Variants in DAP3 observed in about 807,000 individuals in gnomAD.
DAP3 encodes small ribosomal subunit protein mS29.
Under a neutral mutation model 51.9 loss-of-function variants are expected in DAP3, and 28 were observed. The ratio of observed to expected loss-of-function variants is 0.54; its 90% CI spans 0.40 to 0.74. DAP3 has a LOEUF of 0.74. Among genes scored for constraint, DAP3 ranks in the 30% least tolerant of loss-of-function variants. DAP3 has a pLI of 0.00. For missense variants in DAP3, 458 were observed against 483.5 expected (o/e 0.95, Z 0.49); for synonymous variants, 170 against 170.3 (o/e 1.00, Z 0.01).
intron 11 of DAP3, among the ~76,000 whole-genome samples, chr1:155,735,164 C>T (rs1659639212): frequency 6.6e-6 from 1 of 151,052 alleles, no homozygotes; most frequent in Non-Finnish European, 1.5e-5. Flanking sequence ...GCCTATAGTC[C>T]CAGATACTCC....
rs1660028444 is a variant in DAP3 at position 155,738,511 on chromosome 1, A to C, written c.*269A>C. ...GATAATTATGGCTCTTTTCCTAAAAAATAAAATATCTTTCTAAAGTGTTGT... is the reference window on the plus strand; with the variant it reads ...GATAATTATGGCTCTTTTCCTAAAACATAAAATATCTTTCTAAAGTGTTGT... On this transcript the variant is annotated 3_prime_UTR_variant, in exon 13 of 13. Coordinates refer to ENST00000368336, the MANE Select transcript of DAP3 (RefSeq NM_004632.4). 2.6e-6 allele frequency: 1 copy of C among 384,632 alleles called. No homozygotes were observed. The highest frequency in any genetic ancestry group is 4.2e-5 in the East Asian group (1 of 23,580). The allele number at this position is 384,632 out of a possible 1,614,324, so 23.8% of individuals were successfully genotyped here. A position where few individuals can be genotyped will look rare whatever the true frequency, so the allele number is the denominator to read the frequency against.
chr1:155,698,399 C>T (rs1654790253), intron 1 of DAP3, among the ~76,000 whole-genome samples: 1 of 152,178 alleles, frequency 6.6e-6, no homozygotes, highest in Admixed American at 6.5e-5. Context: ...AATTTATGTT[C>T]TTCTGCCATG....
At chr1:155,688,632 G>A, upstream of DAP3, 2 of 1,534,454 alleles carry the variant, frequency 1.3e-6, no homozygotes, top group African/African-American at 1.4e-5. Context: ...CTGTCAAGCC[G>A]GCTCCAGCGC....
intron 1 of DAP3, among the ~76,000 whole-genome samples, chr1:155,690,890 C>T (rs996866526): frequency 2.1e-5 from 3 of 142,112 alleles, no homozygotes; most frequent in Non-Finnish European, 2.9e-5. Context: ...CAGGCACATG[C>T]CACCACATCC....
chr1:155,732,229 TTTTC>T (rs1571565401), intron 11 of DAP3, 196 bp downstream of exon 11: 1 of 388,832 alleles, frequency 2.6e-6, no homozygotes, highest in Non-Finnish European at 4.3e-6. Context: ...CCAGAGTTTC[TTTTC>T]TTTTTTTTTT....
rs1356416892 is a variant in DAP3 at position 155,727,687 on chromosome 1, T to C, written c.552T>C (p.Ala184=). The change falls in exon 7 of 13, where the codon GCT becomes GCC. Residue 184 remains alanine (A), a synonymous_variant. Transcript: ENST00000368336. ...AGCGCTTTGATCAACCTTTAGAGGC[T>C]TCAACCTGGCTGAAGAATTTCAAAA... is the stretch of plus-strand genomic sequence containing the variant. ...NKQRFDQPLE[A]STWLKNFKTT... is the part of the protein sequence containing the mutation. 8 of 1,613,914 alleles carry C rather than the reference T, an allele frequency of 5.0e-6. No homozygotes were observed. The East Asian group carries it at 1.6e-4, about 31-fold the overall frequency.
At chr1:155,688,219 G>C, upstream of DAP3, 2 of 1,613,510 alleles carry the variant, frequency 1.2e-6, no homozygotes, top group South Asian at 1.1e-5. Context: ...AAATGCGAGA[G>C]AGGAGAAGGG....
intron 1 of DAP3, among the ~76,000 whole-genome samples, chr1:155,691,683 G>T (rs944306651): frequency 7.1e-6 from 1 of 141,812 alleles, no homozygotes; most frequent in Admixed American, 6.6e-5. Flanking sequence ...TGGCCTCACC[G>T]CTTAAAAAAT....
intron 1 of DAP3, among the ~76,000 whole-genome samples, chr1:155,702,625 G>A (rs896274809): frequency 1.3e-5 from 2 of 152,090 alleles, no homozygotes; most frequent in Non-Finnish European, 2.9e-5. Flanking sequence ...AACAGCATTT[G>A]TTGAAGACAC....
intron 1 of DAP3, among the ~76,000 whole-genome samples, chr1:155,703,541 G>T (rs1235752836): frequency 6.6e-6 from 1 of 152,074 alleles, no homozygotes; most frequent in Non-Finnish European, 1.5e-5. Flanking sequence ...AAATCAGCTT[G>T]ACAAGTTTTT....
chr1:155,733,959 G>A (rs1659501953), intron 11 of DAP3, among the ~76,000 whole-genome samples: 1 of 152,132 alleles, frequency 6.6e-6, no homozygotes, highest in Non-Finnish European at 1.5e-5. Context: ...TTTGAGACCA[G>A]CCTGGGCAAC....
intron 1 of DAP3, among the ~76,000 whole-genome samples, chr1:155,692,508 A>T (rs76037057): frequency 7.0e-6 from 1 of 142,174 alleles, no homozygotes; most frequent in Admixed American, 6.6e-5. Context: ...TTAAAGCAAA[A>T]TTTGCGATAG....
intron 9 of DAP3, among the ~76,000 whole-genome samples, chr1:155,729,839 T>C (rs1237689957): frequency 1.3e-5 from 2 of 151,996 alleles, no homozygotes; most frequent in South Asian, 2.1e-4. Flanking sequence ...TCCCAGCACT[T>C]GGGGAGGCTG....
At chr1:155,715,015 C>A (rs933724482) in intron 2 of DAP3, among the ~76,000 whole-genome samples, 1 of 151,678 alleles carries the variant, frequency 6.6e-6, no homozygotes, top group African/African-American at 2.4e-5. Flanking sequence ...CCAGCCTGGC[C>A]AACATGGCAA....
At chr1:155,705,704 A>G (rs1655887403) in intron 1 of DAP3, among the ~76,000 whole-genome samples, 1 of 150,472 alleles carries the variant, frequency 6.6e-6, no homozygotes, top group East Asian at 1.9e-4. Flanking sequence ...TTATTTATTT[A>G]TTTATTTATT....
intron 1 of DAP3, among the ~76,000 whole-genome samples, chr1:155,700,619 G>T (rs866665696): frequency 1.4e-5 from 2 of 146,766 alleles, no homozygotes; most frequent in African/African-American, 2.5e-5. Context: ...GGTGAGGGGC[G>T]CCTCGGCCCG....
rs376225469 is a variant in DAP3, at chr1:155,729,138, C to T, written c.684+16C>T. On this transcript the variant is annotated intron_variant, in intron 8 of 12. Transcript: ENST00000368336. Reference sequence around the variant, plus strand: ...GGTTGAACAGGTATAAGAAAAAACACTGAATGTGTAACATGCGATAACAAG... The same window carrying T: ...GGTTGAACAGGTATAAGAAAAAACATTGAATGTGTAACATGCGATAACAAG... The T allele has an allele frequency of 1.9e-6, 3 of 1,613,994 alleles. No homozygotes were observed. Among genetic ancestry groups the T allele is most frequent in the Non-Finnish European group, 2.5e-6 (3 of 1,180,022 alleles).
intron 6 of DAP3, chr1:155,726,269 C>T (rs1049291347): frequency 7.4e-6 from 2 of 269,788 alleles, no homozygotes; most frequent in Non-Finnish European, 6.8e-6. Flanking sequence ...GCCCACCACA[C>T]CACCACGCCC....
chr1:155,703,836 C>G (rs1417804393), intron 1 of DAP3, among the ~76,000 whole-genome samples: 1 of 152,210 alleles, frequency 6.6e-6, no homozygotes, highest in African/African-American at 2.4e-5. Flanking sequence ...TGCGCCTGAC[C>G]TAGACTTTTT....
Sources: allele counts gnomAD v4.1 joint callset (sites outside exome capture counted in the v4.1 genomes callset), GRCh38; gene constraint gnomAD v4.1.1; transcripts MANE v1.5; gene names NCBI Gene and HGNC (gene_info 2026-07-23, HGNC 2026-07-21).